Variants in PEAK1 observed in about 807,000 individuals in gnomAD.
The protein encoded by PEAK1 is inactive tyrosine-protein kinase PEAK1.
Under a neutral mutation model 124.7 loss-of-function variants are expected in PEAK1, and 54 were observed. That is an observed-to-expected ratio of 0.43 (90% CI 0.35 to 0.54). PEAK1 has a LOEUF of 0.54. Ranked by LOEUF, PEAK1 falls within the 20% of genes least tolerant of loss-of-function variation. The pLI is 0.01. For synonymous variants in PEAK1, 719 were observed against 760.0 expected, an observed-to-expected ratio of 0.95 and a Z score of 0.89; for missense variants, 2,046 against 2,134.5, an observed-to-expected ratio of 0.96 and a Z score of 0.82.
chr15:77,175,646 C>A (rs937319603), intron 7 of PEAK1, among the ~76,000 whole-genome samples: 8 of 152,182 alleles, frequency 5.3e-5, no homozygotes, highest in Non-Finnish European at 1.0e-4. Context: ...CACTTTTACA[C>A]TGTTGGTGGG....
At chr15:77,232,155 A>G (rs1178073585) in intron 6 of PEAK1, among the ~76,000 whole-genome samples, 1 of 152,192 alleles carries the variant, frequency 6.6e-6, no homozygotes, top group Non-Finnish European at 1.5e-5. Context: ...CAGTATTCTC[A>G]CTTCGCTCTT....
chr15:77,401,250 T>C (rs1329215112), intron 1 of PEAK1, among the ~76,000 whole-genome samples: 1 of 152,174 alleles, frequency 6.6e-6, no homozygotes, highest in Non-Finnish European at 1.5e-5. Flanking sequence ...AATAATATCA[T>C]CAAACTGCAA....
At chr15:77,357,348 C>T (rs184725345) in intron 2 of PEAK1, among the ~76,000 whole-genome samples, 6 of 152,370 alleles carry the variant, frequency 3.9e-5, no homozygotes. Context: ...TCTTGGCTCA[C>T]TGCAACCTCC....
At chr15:77,408,277 G>A (rs2072090557) in intron 1 of PEAK1, among the ~76,000 whole-genome samples, 1 of 151,260 alleles carries the variant, frequency 6.6e-6, no homozygotes, top group Non-Finnish European at 1.5e-5. Context: ...TCTAAGTGAA[G>A]TAACTCAGGA....
At chr15:77,306,410 A>G (rs2064105782) in intron 2 of PEAK1, among the ~76,000 whole-genome samples, 1 of 152,140 alleles carries the variant, frequency 6.6e-6, no homozygotes, top group Non-Finnish European at 1.5e-5. Context: ...GTTTACCTGC[A>G]TACACTATTT....
chr15:77,262,074 C>T (rs974288002), intron 5 of PEAK1, among the ~76,000 whole-genome samples: 1 of 152,152 alleles, frequency 6.6e-6, no homozygotes, highest in South Asian at 2.1e-4. Context: ...GATTTTGTCA[C>T]TACCAGGCCT....
chr15:77,392,542 A>AT (rs1019189995), intron 1 of PEAK1, among the ~76,000 whole-genome samples: 1 of 152,222 alleles, frequency 6.6e-6, no homozygotes, highest in Non-Finnish European at 1.5e-5. Context: ...TGCATCATAT[A>AT]TATGGCATTT....
At chr15:77,152,813 C>G (rs1209116800) in intron 8 of PEAK1, among the ~76,000 whole-genome samples, 2 of 152,094 alleles carry the variant, frequency 1.3e-5, no homozygotes, top group African/African-American at 2.4e-5. Context: ...GAATGTTGAA[C>G]CAGCCTTGCA....
rs375544527 is a variant in PEAK1, at chr15:77,117,434, A to G, written c.4078-2115T>C. ...TATATAGCGTACATCTGTAAACTAC[A>G]AAGTTGTACAAATGCAACACTGATA... On this transcript the variant is annotated intron_variant, in intron 9 of 9. Transcript: ENST00000682557. Among the ~76,000 whole-genome samples, 6 of 152,390 alleles carry G rather than the reference A, an allele frequency of 3.9e-5. No individual in the cohort carries two copies. The East Asian group carries it at 7.7e-4, about 20-fold the overall frequency.
intron 1 of PEAK1, among the ~76,000 whole-genome samples, chr15:77,376,080 T>C (rs2069004460): frequency 6.6e-6 from 1 of 151,378 alleles, no homozygotes; most frequent in Admixed American, 6.6e-5. Context: ...ATTATCACAA[T>C]TTATTTTAAA....
chr15:77,420,218 C>T (rs1320986641), upstream of PEAK1: 4 of 150,438 alleles, frequency 2.7e-5, no homozygotes, highest in African/African-American at 9.8e-5. Context: ...CGCGCCGCCC[C>T]TCCGCGCGCG....
At chr15:77,323,127 G>T (rs1265354527) in intron 2 of PEAK1, among the ~76,000 whole-genome samples, 2 of 152,062 alleles carry the variant, frequency 1.3e-5, no homozygotes, top group Non-Finnish European at 2.9e-5. Context: ...TTGATGGGAC[G>T]TATCTCAAAA....
chr15:77,278,827 T>G, intron 5 of PEAK1: 1 of 284,506 alleles, frequency 3.5e-6, no homozygotes, highest in Non-Finnish European at 6.4e-6. Context: ...TGCAAAATTT[T>G]GTGGGTTTTT....
intron 2 of PEAK1, chr15:77,335,159 T>C (rs558856295): frequency 1.0e-6 from 1 of 985,478 alleles, no homozygotes; most frequent in East Asian, 1.1e-4. Flanking sequence ...CTGTGCTTTG[T>C]AGGAACATGC....
chr15:77,119,314 CATGA>C (rs2152719436), intron 9 of PEAK1, among the ~76,000 whole-genome samples: 1 of 152,224 alleles, frequency 6.6e-6, no homozygotes, highest in East Asian at 1.9e-4. Flanking sequence ...TATGCACCAA[CATGA>C]ATAACCTACA....
At chr15:77,403,192 T>C (rs765302910) in intron 1 of PEAK1, 17 of 985,302 alleles carry the variant, frequency 1.7e-5, no homozygotes, top group Middle Eastern at 5.2e-4. Flanking sequence ...TCCAATGAGA[T>C]TGTATTTGTC....
At chr15:77,326,822 T>G (rs1202307438) in intron 2 of PEAK1, among the ~76,000 whole-genome samples, 1 of 152,120 alleles carries the variant, frequency 6.6e-6, no homozygotes, top group African/African-American at 2.4e-5. Flanking sequence ...AAAAAAATAC[T>G]GGTGACAAAG....
At chr15:77,331,547 G>A (rs1206128363) in intron 2 of PEAK1, among the ~76,000 whole-genome samples, 8 of 152,022 alleles carry the variant, frequency 5.3e-5, no homozygotes, top group Admixed American at 4.6e-4. Flanking sequence ...AATTTCTCTA[G>A]GATAAATTAT....
chr15:77,230,224 G>C (rs976725208), intron 6 of PEAK1, among the ~76,000 whole-genome samples: 3 of 150,720 alleles, frequency 2.0e-5, no homozygotes, highest in Admixed American at 2.0e-4. Flanking sequence ...TTTTGACACG[G>C]AGTCTTGATC....
Sources: allele counts gnomAD v4.1 joint callset (sites outside exome capture counted in the v4.1 genomes callset), GRCh38; gene constraint gnomAD v4.1.1; transcripts MANE v1.5; gene names NCBI Gene and HGNC (gene_info 2026-07-23, HGNC 2026-07-21).